SHD: variants seen among roughly 807,000 people sequenced by gnomAD.
SHD encodes SH2 domain-containing adapter protein D.
In SHD, 29 loss-of-function variants were observed where a neutral mutation model predicts 31.2. The ratio of observed to expected loss-of-function variants is 0.93; its 90% CI spans 0.69 to 1.27. The LOEUF is 1.27. SHD is among the 50% of genes most tolerant of loss of function. SHD has a pLI of 0.00. For missense variants in SHD, 520 were observed against 453.8 expected (o/e 1.15, Z -1.33); for synonymous variants, 208 against 187.8 (o/e 1.11, Z -0.88).
At chr19:4,284,480 T>C (rs1164022779) in intron 3 of SHD, 1 of 233,688 alleles carries the variant, frequency 4.3e-6, no homozygotes. Context: ...CAGTCTGGGC[T>C]GAACCCCAGA....
chr19:4,288,137 T>C, intron 4 of SHD, 106 bp from the exon 5 acceptor site: 1 of 1,350,854 alleles, frequency 7.4e-7, no homozygotes, highest in Non-Finnish European at 1.0e-6. Context: ...ACTCCTGACC[T>C]CAGGCAATCC....
At chr19:4,287,511 A>G (rs1162969092) in intron 4 of SHD, among the ~76,000 whole-genome samples, 1 of 150,804 alleles carries the variant, frequency 6.6e-6, no homozygotes, top group Non-Finnish European at 1.5e-5. Context: ...TTGGCCGGGC[A>G]TGGTGGCTCA....
chr19:4,282,131 T>C (rs1439148395), intron 1 of SHD, among the ~76,000 whole-genome samples: 1 of 151,980 alleles, frequency 6.6e-6, no homozygotes, highest in Non-Finnish European at 1.5e-5. Flanking sequence ...AAAAGAACTC[T>C]TGGAGAGGCC....
intron 4 of SHD, 81 bp from the exon 5 acceptor site, chr19:4,288,162 C>G: frequency 6.7e-7 from 1 of 1,489,568 alleles, no homozygotes; most frequent in Non-Finnish European, 9.0e-7. Context: ...GCGTCAGCCT[C>G]CCAAAGTGCT....
chr19:4,288,277 G>A lies in SHD; in HGVS notation c.751G>A (p.Glu251Lys). The stretch of plus-strand genomic sequence containing the variant: ...TGGCCCCCTGAACAGGGCGGATGCA[G>A]AGAGCCTCCTGTCCCTCTGCAAGGA... Reference protein sequence around the residue: ...FHGPLNRADAESLLSLCKEGS... With the variant: ...FHGPLNRADAKSLLSLCKEGS... Residue 251 changes from glutamate (E) to lysine (K), a missense_variant, in exon 5 of 6, where the codon GAG becomes AAG. Physicochemically the swap from Glu to Lys is moderately conservative, Grantham distance 56. Transcript: ENST00000543264. 1.2e-6 allele frequency: 2 copies of A among 1,613,914 alleles called. No homozygotes were observed. The highest frequency in any genetic ancestry group is 2.2e-5 in the South Asian group (2 of 91,076).
chr19:4,280,836 C>A (rs1265502613), intron 1 of SHD, among the ~76,000 whole-genome samples: 1 of 151,924 alleles, frequency 6.6e-6, no homozygotes, highest in African/African-American at 2.4e-5. Flanking sequence ...GGATATCTGT[C>A]CCTTTTCAAT....
intron 5 of SHD, 73 bp from the exon 6 acceptor site, chr19:4,290,374 G>A (rs1971364520): frequency 1.3e-6 from 2 of 1,516,392 alleles, no homozygotes; most frequent in African/African-American, 2.8e-5. Context: ...CACTGTGGGA[G>A]GTGGCTTTGG....
chr19:4,285,560 C>G (rs1240743301), intron 4 of SHD, among the ~76,000 whole-genome samples: 5 of 151,956 alleles, frequency 3.3e-5, no homozygotes, highest in African/African-American at 7.3e-5. Context: ...CTCTTCCTCC[C>G]TCCCTCCCTC....
intron 5 of SHD, among the ~76,000 whole-genome samples, chr19:4,289,793 CATCTCCTG>C (rs1971357927): frequency 6.8e-6 from 1 of 147,840 alleles, no homozygotes; most frequent in Admixed American, 6.7e-5. Context: ...GGATGGTCTC[CATCTCCTG>C]ACCTCGTGAT....
rs147468291 is a variant in SHD, at chr19:4,283,179, C to T, written c.529C>T (p.Pro177Ser). The T allele has an allele frequency of 1.2e-6, 2 of 1,614,004 alleles. No homozygotes were observed. The highest frequency in any genetic ancestry group is 2.7e-5 in the African/African-American group (2 of 74,934). Residue 177 changes from proline to serine, a missense_variant, in exon 3 of 6, where the codon CCA becomes TCA. By Grantham distance (74) the Pro-to-Ser change is moderately conservative. Coordinates refer to ENST00000543264, the MANE Select transcript of SHD (RefSeq NM_020209.4). ...QSRMPQEDERPADEYDQPWEW... is the reference protein window; with the variant it reads ...QSRMPQEDERSADEYDQPWEW... ...CCGGATGCCCCAGGAAGATGAACGG[C>T]CAGCAGATGAGTATGATCAGCCCTG...
At chr19:4,290,023 C>T (rs1343015315) in intron 5 of SHD, among the ~76,000 whole-genome samples, 1 of 151,812 alleles carries the variant, frequency 6.6e-6, no homozygotes, top group Non-Finnish European at 1.5e-5. Context: ...CCACAGGCAC[C>T]CGCCACCACG....
chr19:4,289,103 ATTTTTTTT>A (rs71166980), intron 5 of SHD, among the ~76,000 whole-genome samples: 5 of 77,362 alleles, frequency 6.5e-5, no homozygotes, highest in African/African-American at 1.1e-4. Flanking sequence ...TGCCCAGCTA[ATTTTTTTT>A]TTTTTTTTTT....
Position 4,290,635 on chromosome 19 carries a change from A to G in SHD, c.*2A>G, listed in dbSNP as rs2144723406. The G allele has an allele frequency of 1.3e-6, 2 of 1,591,206 alleles. No homozygotes were observed. The highest frequency in any genetic ancestry group is 1.7e-4 in the Middle Eastern group (1 of 5,876). On this transcript the variant is annotated 3_prime_UTR_variant, in exon 6 of 6. Transcript: ENST00000543264. ...CCCGTGGTCACGCAGACCCCCTGAC[A>G]GTGACCCTCGGCCCCCTTTTGAGTC...
intron 4 of SHD, 129 bp from the exon 5 acceptor site, chr19:4,288,114 A>G (rs1372542048): frequency 1.9e-6 from 2 of 1,080,756 alleles, no homozygotes; most frequent in Non-Finnish European, 2.6e-6. Context: ...CATGTTAGGG[A>G]GACTGGTTTC....
intron 3 of SHD, 152 bp from the exon 4 acceptor site, chr19:4,284,629 A>C (rs1599513182): frequency 3.2e-6 from 3 of 929,406 alleles, no homozygotes; most frequent in Non-Finnish European, 4.5e-6. Flanking sequence ...ACCTGTGGCC[A>C]ATCCTGCCCC....
At chr19:4,288,552 G>A (rs1480914197) in intron 5 of SHD, among the ~76,000 whole-genome samples, 190 bp downstream of exon 5, 1 of 152,080 alleles carries the variant, frequency 6.6e-6, no homozygotes, top group African/African-American at 2.4e-5. Flanking sequence ...AATTGAGAAT[G>A]AGCTCACCAT....
chr19:4,279,962 C>G lies in SHD; in HGVS notation c.-102C>G. On this transcript the variant is annotated 5_prime_UTR_variant, in exon 1 of 6. Transcript: ENST00000543264. The surrounding 1 kb of genome is among the most constrained non-coding windows in gnomAD (Gnocchi z 7.5). ...ATCTTTCTCATCCTTCCCTGCTCTT[C>G]CCTTCCTCTCCACCTCCTCCTCCTC... 1 of 1,361,448 alleles carries G rather than the reference C, an allele frequency of 7.3e-7. No homozygotes were observed. The highest frequency in any genetic ancestry group is 1.5e-5 in the South Asian group (1 of 66,814). 84.3% of individuals were successfully genotyped at this position (1,361,448 alleles called of 1,614,324 possible).
At chr19:4,284,742 G>A in intron 3 of SHD, 39 bp from the exon 4 acceptor site, 1 of 1,509,558 alleles carries the variant, frequency 6.6e-7, no homozygotes. Flanking sequence ...CCCAAGGTAG[G>A]CTGGACTTAA....
chr19:4,282,985 C>A lies in SHD; in HGVS notation c.403+10C>A, dbSNP rs777890896. 1 of 1,613,876 alleles carries A rather than the reference C, an allele frequency of 6.2e-7. No individual in the cohort carries two copies. Among genetic ancestry groups the A allele is most frequent in the East Asian group, 2.2e-5 (1 of 44,882 alleles). On this transcript the variant is annotated intron_variant, in intron 2 of 5. Coordinates refer to ENST00000543264, the MANE Select transcript of SHD (RefSeq NM_020209.4). ...CAATGGGTCATGAGTGGTGAGTAGG[C>A]ACGGCTTGGGGGAAGGTGACAGGGT...
Sources: allele counts gnomAD v4.1 joint callset (sites outside exome capture counted in the v4.1 genomes callset), GRCh38; gene constraint gnomAD v4.1.1; non-coding constraint Gnocchi (gnomAD v3.1); transcripts MANE v1.5; gene names NCBI Gene and HGNC (gene_info 2026-07-23, HGNC 2026-07-21).